Variants in OR52N2 observed in about 807,000 individuals in gnomAD.
OR52N2 encodes the protein olfactory receptor family 52 subfamily N member 2, also known as olfactory receptor 52N2.
For missense variants in OR52N2, 326 were observed against 196.6 expected (o/e 1.66, Z -3.94); for synonymous variants, 129 against 72.0 (o/e 1.79, Z -4.01).
Position 5,821,375 on chromosome 11 carries a change from A to G in OR52N2, c.*74A>G. ...AAAATTTCATAAAAGATGTGAATAA[A>G]ATGGTATTAAAATCATGACATGTAA... is the stretch of plus-strand genomic sequence containing the variant. On this transcript the variant is annotated 3_prime_UTR_variant, in exon 2 of 2. Coordinates refer to ENST00000317037, the MANE Select transcript of OR52N2 (RefSeq NM_001005174.3). The G allele has an allele frequency of 1.5e-6, 1 of 671,702 alleles. No individual in the cohort carries two copies. Among genetic ancestry groups the G allele is most frequent in the Non-Finnish European group, 2.7e-6 (1 of 372,910 alleles). The allele number at this position is 671,702 out of a possible 1,614,324, so 41.6% of individuals were successfully genotyped here.
intron 1 of OR52N2, among the ~76,000 whole-genome samples, chr11:5,819,169 G>A (rs1291126775): frequency 6.6e-6 from 1 of 152,002 alleles, no homozygotes; most frequent in African/African-American, 2.4e-5. Flanking sequence ...TTTGCTCCAT[G>A]GGGTCTACTA....
Position 5,821,154 on chromosome 11 carries a change from C to T in OR52N2, c.819C>T (p.Asn273=), listed in dbSNP as rs62621415. 1 of 780,842 alleles carries T rather than the reference C, an allele frequency of 1.3e-6. No homozygotes were observed. The highest frequency in any genetic ancestry group is 1.3e-5 in the South Asian group (1 of 74,624). The allele number at this position is 780,842 out of a possible 1,614,324, so 48.4% of individuals were successfully genotyped here. A position where few individuals can be genotyped will look rare whatever the true frequency, so the allele number is the denominator to read the frequency against. The change falls in exon 2 of 2, where the codon AAC becomes AAT. Residue 273 remains asparagine, a synonymous_variant. Transcript: ENST00000317037. The part of the protein sequence containing the change: ...THRFVGHNIP[N]HIHIIVANLY... Reference sequence around the variant, plus strand: ...GTTTTGTAGGACACAATATCCCAAACCACATACACATCATCGTGGCCAACC... The same window carrying T: ...GTTTTGTAGGACACAATATCCCAAATCACATACACATCATCGTGGCCAACC...
chr11:5,821,299 T>C lies in OR52N2; in HGVS notation c.964T>C (p.Ter322ArgextTer4). 1 of 775,914 alleles carries C rather than the reference T, an allele frequency of 1.3e-6. No homozygotes were observed. The highest frequency in any genetic ancestry group is 2.4e-6 in the Non-Finnish European group (1 of 416,590). 48.1% of individuals were successfully genotyped at this position (775,914 alleles called of 1,614,324 possible). A position where few individuals can be genotyped will look rare whatever the true frequency, so the allele number is the denominator to read the frequency against. The stretch of plus-strand genomic sequence containing the variant: ...CAAGGTTAGTTTTACCTATGACAAA[T>C]GAAACATAGAATAGACATATTGTTT... ...GDKVSFTYDK[*>R] The change falls in exon 2 of 2, where the codon TGA becomes CGA. Residue 322 changes from the stop codon to arginine, a stop_lost. Coordinates refer to ENST00000317037, the MANE Select transcript of OR52N2 (RefSeq NM_001005174.3).
rs142817204 is a variant in OR52N2, at chr11:5,821,042, G to C, written c.707G>C (p.Arg236Pro). Residue 236 changes from arginine to proline, a missense_variant, in exon 2 of 2, where the codon CGT (arginine) becomes CCT (proline). Transcript: ENST00000317037. ...ATGAGCCTGTCATCAGCAGATGCTC[G>C]TCACAAAGCCTTCAGCACCTGCACA... ...AVMSLSSADA[R>P]HKAFSTCTSH... The C allele has an allele frequency of 1.3e-6, 1 of 780,944 alleles. No individual in the cohort carries two copies. Among genetic ancestry groups the C allele is most frequent in the Non-Finnish European group, 2.4e-6 (1 of 418,094 alleles). The allele number at this position is 780,944 out of a possible 1,614,324, so 48.4% of individuals were successfully genotyped here. A position where few individuals can be genotyped will look rare whatever the true frequency, so the allele number is the denominator to read the frequency against.
In OR52N2 at chr11:5,820,359, C is replaced by A. The variant is rs909849828; in HGVS notation, c.24C>A (p.Ser8Arg). MSGDNSSSLTPGFFILNG... is the reference protein window; with the variant it reads MSGDNSSRLTPGFFILNG... ...TCATGTCTGGGGACAACAGCTCCAG[C>A]CTGACCCCAGGATTCTTTATCTTGA... The change falls in exon 2 of 2, where the codon AGC (serine) becomes AGA (arginine). Residue 8 changes from serine (S) to arginine (R), a missense_variant. Physicochemically the swap from Ser to Arg is moderately radical, Grantham distance 110. Coordinates refer to ENST00000317037, the MANE Select transcript of OR52N2 (RefSeq NM_001005174.3). The A allele has an allele frequency of 1.3e-6, 1 of 780,738 alleles. No homozygotes were observed. The highest frequency in any genetic ancestry group is 1.7e-5 in the African/African-American group (1 of 59,090). 48.4% of individuals were successfully genotyped at this position (780,738 alleles called of 1,614,324 possible). A position where few individuals can be genotyped will look rare whatever the true frequency, so the allele number is the denominator to read the frequency against.
At position 5,809,011 on chromosome 11, in the gene OR52N2, C is replaced by A. The variant is rs999463546; in HGVS notation, c.-98C>A. On this transcript the variant is annotated 5_prime_UTR_variant, in exon 1 of 2. Coordinates refer to ENST00000317037, the MANE Select transcript of OR52N2 (RefSeq NM_001005174.3). ...CAATGGGTGGGTCCCGATCTCCCCT[C>A]CCTGAGACTACCGCAACGGGGCATT... Among the ~76,000 whole-genome samples the A allele has an allele frequency of 2.6e-5, 4 of 152,192 alleles. 1 individual carries two copies. In the South Asian group the frequency reaches 8.3e-4, roughly 32 times the overall value.
At chr11:5,817,363 A>C (rs1342959547) in intron 1 of OR52N2, among the ~76,000 whole-genome samples, 1 of 152,060 alleles carries the variant, frequency 6.6e-6, no homozygotes, top group African/African-American at 2.4e-5. Context: ...AACCAATACT[A>C]CCTTGAAAAA....
intron 1 of OR52N2, among the ~76,000 whole-genome samples, chr11:5,810,889 T>A (rs1183703552): frequency 6.6e-6 from 1 of 152,108 alleles, no homozygotes; most frequent in African/African-American, 2.4e-5. Flanking sequence ...GAGTCATTTT[T>A]GGGTTTATGG....
chr11:5,811,260 A>G (rs550651595), intron 1 of OR52N2, among the ~76,000 whole-genome samples: 1 of 147,082 alleles, frequency 6.8e-6, no homozygotes, highest in Non-Finnish European at 1.5e-5. Flanking sequence ...GTCACTGGCA[A>G]AAGTAAGTAC....
intron 1 of OR52N2, among the ~76,000 whole-genome samples, chr11:5,819,085 C>A (rs1299347365): frequency 1.3e-5 from 2 of 152,140 alleles, no homozygotes; most frequent in South Asian, 4.1e-4. Context: ...GGATTCACAA[C>A]CATGTAATCC....
chr11:5,817,751 A>G (rs567268631), intron 1 of OR52N2, among the ~76,000 whole-genome samples: 2 of 152,320 alleles, frequency 1.3e-5, no homozygotes, highest in East Asian at 3.9e-4. Flanking sequence ...TTTTGAGCCC[A>G]TAAACTTCAA....
At chr11:5,816,554 T>C (rs1846406438) in intron 1 of OR52N2, among the ~76,000 whole-genome samples, 1 of 152,020 alleles carries the variant, frequency 6.6e-6, no homozygotes, top group Admixed American at 6.5e-5. Context: ...TCTTCTTTTT[T>C]TGAGAGACAC....
intron 1 of OR52N2, among the ~76,000 whole-genome samples, chr11:5,817,922 A>G (rs1232878654): frequency 6.6e-6 from 1 of 152,216 alleles, no homozygotes; most frequent in Non-Finnish European, 1.5e-5. Flanking sequence ...GATGGAAAGA[A>G]GGTCTAGCTA....
intron 1 of OR52N2, among the ~76,000 whole-genome samples, chr11:5,817,020 C>T (rs2134242736): frequency 6.6e-6 from 1 of 151,772 alleles, no homozygotes; most frequent in South Asian, 2.1e-4. Flanking sequence ...GTTTTGTTTC[C>T]AAGGAGTCGC....
At chr11:5,812,563 G>T (rs1846372647) in intron 1 of OR52N2, among the ~76,000 whole-genome samples, 1 of 149,876 alleles carries the variant, frequency 6.7e-6, no homozygotes, top group African/African-American at 2.4e-5. Flanking sequence ...ATTATATATT[G>T]ATACAGAGGG....
chr11:5,819,709 TTTA>T lies in OR52N2; in HGVS notation c.-54-568_-54-566del, dbSNP rs1846430941. 2.6e-5 allele frequency among the ~76,000 whole-genome samples: 4 copies of T among 152,294 alleles called. No homozygotes were observed. In the South Asian group the frequency reaches 8.3e-4, roughly 32 times the overall value. On this transcript the variant is annotated intron_variant, in intron 1 of 1. Coordinates refer to ENST00000317037, the MANE Select transcript of OR52N2 (RefSeq NM_001005174.3). ...CATGTATTCACTCATTCACATATAT[TTTA>T]TTATCTACTATGTATTATCTTGAGT... is the stretch of plus-strand genomic sequence containing the variant.
At chr11:5,810,765 A>G (rs546647922) in intron 1 of OR52N2, among the ~76,000 whole-genome samples, 1 of 150,768 alleles carries the variant, frequency 6.6e-6, no homozygotes, top group Non-Finnish European at 1.5e-5. Flanking sequence ...CTGAGTTTAT[A>G]GTACACAATC....
intron 1 of OR52N2, among the ~76,000 whole-genome samples, chr11:5,814,505 TTTG>T (rs1248838365): frequency 2.0e-5 from 3 of 152,058 alleles, no homozygotes; most frequent in Non-Finnish European, 4.4e-5. Flanking sequence ...TTTCAGATTG[TTTG>T]TTATTAATGC....
chr11:5,819,544 C>T (rs944048997), intron 1 of OR52N2, among the ~76,000 whole-genome samples: 6 of 152,122 alleles, frequency 3.9e-5, no homozygotes, highest in Admixed American at 2.0e-4. Flanking sequence ...ACTAAACTTA[C>T]GTAAAACTTG....
Sources: allele counts gnomAD v4.1 joint callset (sites outside exome capture counted in the v4.1 genomes callset), GRCh38; gene constraint gnomAD v4.1.1; transcripts MANE v1.5; gene names NCBI Gene and HGNC (gene_info 2026-07-23, HGNC 2026-07-21).